Variants in RPGRIP1L observed in about 807,000 individuals in gnomAD.
RPGRIP1L encodes the protein RPGRIP1 like, also known as protein fantom.
RPGRIP1L carries 131 observed loss-of-function variants against 160.4 expected under a neutral mutation model. The observed-to-expected ratio is 0.82, with a 90% CI of 0.71 to 0.94. The LOEUF is 0.94. Ranked by LOEUF, RPGRIP1L falls within the 40% of genes least tolerant of loss-of-function variation. RPGRIP1L has a pLI of 0.00. For synonymous variants in RPGRIP1L, 510 were observed against 515.8 expected (o/e 0.99, Z 0.15); for missense variants, 1,522 against 1,535.8 (o/e 0.99, Z 0.15).
At chr16:53,672,417 C>T (rs958937190) in intron 8 of RPGRIP1L, among the ~76,000 whole-genome samples, 5 of 151,908 alleles carry the variant, frequency 3.3e-5, no homozygotes, top group African/African-American at 4.8e-5. Flanking sequence ...TAAAATACTA[C>T]GATAATAGGA....
chr16:53,698,520 CCGCCCCG>C, intron 2 of RPGRIP1L, among the ~76,000 whole-genome samples: 1 of 147,280 alleles, frequency 6.8e-6, no homozygotes, highest in African/African-American at 2.6e-5. Context: ...GCCCGGCCAG[CCGCCCCG>C]TCTGGGAGGG....
chr16:53,605,186 A>T (rs905728399), intron 26 of RPGRIP1L, among the ~76,000 whole-genome samples: 5 of 152,028 alleles, frequency 3.3e-5, no homozygotes, highest in African/African-American at 1.2e-4. Flanking sequence ...AAAAAAAAAA[A>T]TCCAATGGCC....
rs764469041 is a variant in RPGRIP1L at position 53,645,920 on chromosome 16, T to A, written c.2388A>T (p.Ile796=). The change falls in exon 17 of 27, where the codon ATA becomes ATT. Residue 796 remains isoleucine (I), a synonymous_variant. Coordinates refer to ENST00000647211, the MANE Select transcript of RPGRIP1L (RefSeq NM_015272.5). The part of the protein sequence containing the change: ...DGNLNELHIT[I]RCCNHLQSRA... ...GGGACTGCAGGTGGTTGCAACATCT[T>A]ATTGTAATGTGAAGTTCATTTAAGT... 6.2e-7 allele frequency: 1 copy of A among 1,614,156 alleles called. No homozygotes were observed. Among genetic ancestry groups the A allele is most frequent in the East Asian group, 2.2e-5 (1 of 44,880 alleles).
chr16:53,630,237 TG>T (rs1010933344), intron 22 of RPGRIP1L, among the ~76,000 whole-genome samples: 1 of 152,056 alleles, frequency 6.6e-6, no homozygotes, highest in Non-Finnish European at 1.5e-5. Flanking sequence ...TTTGTAGAGA[TG>T]GGGGTCTTGT....
chr16:53,661,251 C>T (rs1371890883), intron 10 of RPGRIP1L, among the ~76,000 whole-genome samples: 2 of 147,074 alleles, frequency 1.4e-5, no homozygotes, highest in Non-Finnish European at 3.0e-5. Context: ...GAGCCGAGAT[C>T]GCACCACTGC....
intron 23 of RPGRIP1L, among the ~76,000 whole-genome samples, chr16:53,620,801 C>T (rs1964660553): frequency 6.6e-6 from 1 of 152,118 alleles, no homozygotes. Context: ...CTGAAGACTA[C>T]ATGGTAAAGA....
intron 5 of RPGRIP1L, 104 bp from the exon 6 acceptor site, chr16:53,686,680 T>A: frequency 8.4e-7 from 1 of 1,196,824 alleles, no homozygotes; most frequent in Non-Finnish European, 1.2e-6. Context: ...AAGCAGAAGT[T>A]AAAAAATTTA....
rs1477823621 is a variant in RPGRIP1L, at chr16:53,601,092, A to G, written c.*984T>C. ...ATTGATTCACAGCTCCATTAAAAAT[A>G]TCAATTAAATCCTTCAGTGAGATTG... is the stretch of plus-strand genomic sequence containing the variant. On this transcript the variant is annotated 3_prime_UTR_variant, in exon 27 of 27. Coordinates refer to ENST00000647211, the MANE Select transcript of RPGRIP1L (RefSeq NM_015272.5). 6.5e-6 allele frequency: 1 copy of G among 152,682 alleles called. No homozygotes were observed. The highest frequency in any genetic ancestry group is 1.5e-5 in the Non-Finnish European group (1 of 68,052). The allele number at this position is 152,682 out of a possible 1,614,324, so 9.5% of individuals were successfully genotyped here.
rs558887702 is a variant in RPGRIP1L at position 53,689,426 on chromosome 16, A to G, written c.530-1461T>C. Among the ~76,000 whole-genome samples the G allele has an allele frequency of 1.0e-3, 156 of 152,250 alleles. 2 individuals carry two copies. Among genetic ancestry groups the G allele is most frequent in the African/African-American group, 3.6e-3 (151 of 41,550 alleles). Reference sequence around the variant, plus strand: ...GCGCCCCATACTCTTCCCAGCCTCTAGTAACTATCATTCTACTCTCTACCA... The same window carrying G: ...GCGCCCCATACTCTTCCCAGCCTCTGGTAACTATCATTCTACTCTCTACCA... On this transcript the variant is annotated intron_variant, in intron 4 of 26. Transcript: ENST00000647211.
intron 22 of RPGRIP1L, among the ~76,000 whole-genome samples, chr16:53,622,776 C>CA (rs1964817879): frequency 6.9e-6 from 1 of 144,900 alleles, no homozygotes; most frequent in Non-Finnish European, 1.5e-5. Flanking sequence ...CACGTCTCTC[C>CA]AAAAAATAAA....
chr16:53,694,772 AAAGTGCTGGGAT>A (rs1970630726), intron 3 of RPGRIP1L: 1 of 152,286 alleles, frequency 6.6e-6, no homozygotes, highest in African/African-American at 2.4e-5. Flanking sequence ...TCAGCCTCCC[AAAGTGCTGGGAT>A]TACAGGCGTG....
chr16:53,602,818 T>C (rs556875349), intron 26 of RPGRIP1L, among the ~76,000 whole-genome samples: 1 of 151,762 alleles, frequency 6.6e-6, no homozygotes, highest in Non-Finnish European at 1.5e-5. Flanking sequence ...GGAGTAAGTC[T>C]AAAGGGAATT....
intron 22 of RPGRIP1L, among the ~76,000 whole-genome samples, chr16:53,632,564 G>C (rs1251468284): frequency 6.6e-6 from 1 of 152,068 alleles, no homozygotes; most frequent in Non-Finnish European, 1.5e-5. Context: ...ATATATATCT[G>C]TTTAATGAAT....
chr16:53,695,623 A>T, intron 3 of RPGRIP1L: 2 of 580,528 alleles, frequency 3.4e-6, no homozygotes, highest in Admixed American at 3.1e-5. Context: ...TTTGCACATA[A>T]ATCAAAAGTG....
intron 22 of RPGRIP1L, chr16:53,628,933 T>A (rs934901294): frequency 3.9e-5 from 6 of 152,090 alleles, no homozygotes; most frequent in Admixed American, 3.9e-4. Context: ...AATCTCCAAA[T>A]AATTATGCCA....
intron 14 of RPGRIP1L, among the ~76,000 whole-genome samples, chr16:53,654,024 C>T (rs142218695): frequency 0.032 from 4,802 of 152,176 alleles, 160 homozygotes; most frequent in East Asian, 0.14. Context: ...AGTGCAGTGG[C>T]GGAATCTCGG....
At chr16:53,660,685 G>C (rs956983654) in intron 10 of RPGRIP1L, among the ~76,000 whole-genome samples, 1 of 151,762 alleles carries the variant, frequency 6.6e-6, no homozygotes, top group Non-Finnish European at 1.5e-5. Flanking sequence ...CGCGAGGTCA[G>C]GAGTTCGAGA....
At position 53,653,060 on chromosome 16, in the gene RPGRIP1L, G is replaced by A. The variant is rs368067916; in HGVS notation, c.1700-73C>T. The A allele has an allele frequency of 1.3e-4, 159 of 1,185,274 alleles. 2 individuals carry two copies. In the East Asian group the frequency reaches 1.7e-3, roughly 13 times the overall value. The allele number at this position is 1,185,274 out of a possible 1,614,324, so 73.4% of individuals were successfully genotyped here. On this transcript the variant is annotated intron_variant, in intron 14 of 26. Transcript: ENST00000647211. ...GAAAATGAAAACTGGCTTTTGAAGT[G>A]TAAGAATGAGTACTTCTGGTGAACA...
At chr16:53,634,207 A>AG (rs1170167717) in intron 22 of RPGRIP1L, among the ~76,000 whole-genome samples, 4 of 152,190 alleles carry the variant, frequency 2.6e-5, no homozygotes, top group Admixed American at 6.5e-5. Context: ...CCCTTTCAAA[A>AG]GGGTGCTAAT....
Sources: allele counts gnomAD v4.1 joint callset (sites outside exome capture counted in the v4.1 genomes callset), GRCh38; gene constraint gnomAD v4.1.1; transcripts MANE v1.5; gene names NCBI Gene and HGNC (gene_info 2026-07-23, HGNC 2026-07-21).